The following ANO7 variants were observed in gnomAD, a reference collection of about 807,000 sequenced individuals.
ANO7 encodes the protein anoctamin-7.
Under a neutral mutation model 115.8 loss-of-function variants are expected in ANO7, and 114 were observed. The ratio of observed to expected loss-of-function variants is 0.98; its 90% confidence interval spans 0.85 to 1.15. The LOEUF (loss-of-function observed/expected upper bound fraction) is 1.15. Ranked by LOEUF, ANO7 falls within the 50% of genes most tolerant of loss-of-function variation. The pLI is 0.00. For synonymous variants in ANO7, 550 were observed against 498.2 expected, an observed-to-expected ratio of 1.10 and a Z score of -1.38; for missense variants, 1,302 against 1,201.2, an observed-to-expected ratio of 1.08 and a Z score of -1.24.
intron 15 of ANO7, among the ~76,000 whole-genome samples, chr2:241,211,843 C>G (rs2068726452): frequency 6.6e-6 from 1 of 152,224 alleles, no homozygotes. Flanking sequence ...CATCCCCTGA[C>G]CACTCACCCG....
At position 241,203,387 on chromosome 2, in the gene ANO7, C is replaced by G; in HGVS notation, c.778C>G (p.Gln260Glu). 6.2e-7 allele frequency: 1 copy of G among 1,602,846 alleles called. No homozygotes were observed. The highest frequency in any genetic ancestry group is 8.5e-7 in the Non-Finnish European group (1 of 1,175,536). Reference sequence around the variant, plus strand: ...GCAGGCTCCACGCCTCAACCAGCGCCAAGTCCTTTTCCAGCACTGGGCGCG... The same window carrying G: ...GCAGGCTCCACGCCTCAACCAGCGCGAAGTCCTTTTCCAGCACTGGGCGCG... ...GPQAPRLNQRQVLFQHWARWG... is the reference protein window; with the variant it reads ...GPQAPRLNQREVLFQHWARWG... The change falls in exon 9 of 25, where the codon CAA becomes GAA. Residue 260 changes from glutamine (Q) to glutamate (E), a missense_variant. Coordinates refer to ENST00000674324, the MANE Select transcript of ANO7 (RefSeq NM_001370694.2). The surrounding 1 kb of genome is among the most constrained non-coding windows in gnomAD (Gnocchi z 4.8).
intron 3 of ANO7, among the ~76,000 whole-genome samples, chr2:241,194,946 G>A (rs930888690): frequency 3.3e-5 from 5 of 152,182 alleles, no homozygotes; most frequent in Admixed American, 2.0e-4. Context: ...GATGACCAGC[G>A]TGTTCCAGCT....
chr2:241,229,819 A>C, downstream of ANO7: 5 of 1,507,462 alleles, frequency 3.3e-6, no homozygotes, highest in Non-Finnish European at 4.5e-6. Flanking sequence ...GGAGGGCAGA[A>C]GCCCGCATCT....
chr2:241,224,185 G>T lies in ANO7; in HGVS notation c.*32G>T, dbSNP rs1399715408. 1 of 1,612,882 alleles carries T rather than the reference G, an allele frequency of 6.2e-7. No homozygotes were observed. The highest frequency in any genetic ancestry group is 1.3e-5 in the African/African-American group (1 of 74,912). ...GAAGGACATCTGGTGGTCCTTAGGG[G>T]AGTGGCCCCTCCTGAGCCCTGCGAG... On this transcript the variant is annotated 3_prime_UTR_variant, in exon 25 of 25. Coordinates refer to ENST00000674324, the MANE Select transcript of ANO7 (RefSeq NM_001370694.2).
chr2:241,236,872 G>C, the ANO7 span: 1 of 1,235,744 alleles, frequency 8.1e-7, no homozygotes, highest in Non-Finnish European at 1.1e-6. Flanking sequence ...GTGCTGGGTG[G>C]TAAAAGGGAG....
At chr2:241,217,313 C>T (rs2149252961) in intron 19 of ANO7, among the ~76,000 whole-genome samples, 1 of 152,364 alleles carries the variant, frequency 6.6e-6, no homozygotes, top group South Asian at 2.1e-4. Context: ...GGCGAAGACC[C>T]AGAAGCCCCT....
chr2:241,229,450 A>T (rs2069452394), downstream of ANO7: 1 of 615,408 alleles, frequency 1.6e-6, no homozygotes, highest in Admixed American at 2.9e-5. Context: ...CCGCACACAC[A>T]GCCAGGCGCT....
intron 6 of ANO7, among the ~76,000 whole-genome samples, chr2:241,200,510 G>A (rs1044730666): frequency 6.6e-5 from 10 of 152,348 alleles, no homozygotes; most frequent in African/African-American, 1.4e-4. Flanking sequence ...GGGGCGGCGC[G>A]GTACCTGCTC....
At chr2:241,229,484 A>C, downstream of ANO7, 3 of 739,046 alleles carry the variant, frequency 4.1e-6, no homozygotes. Flanking sequence ...GACCTCGGGA[A>C]GGGGGAAGAG....
At position 241,219,470 on chromosome 2, in the gene ANO7, G is replaced by C. The variant is rs558810359; in HGVS notation, c.2321+1089G>C. 6.6e-5 allele frequency among the ~76,000 whole-genome samples: 10 copies of C among 151,594 alleles called. No homozygotes were observed. In the East Asian group the frequency reaches 1.9e-3, roughly 29 times the overall value. On this transcript the variant is annotated intron_variant, in intron 21 of 24. Coordinates refer to ENST00000674324, the MANE Select transcript of ANO7 (RefSeq NM_001370694.2). Reference sequence around the variant, plus strand: ...CTGGTGGATGGGTAAAAGTGTTCTGGTTGTTTTTTTTATTATTATTCTTTT... The same window carrying C: ...CTGGTGGATGGGTAAAAGTGTTCTGCTTGTTTTTTTTATTATTATTCTTTT...
chr2:241,218,387 C>T lies in ANO7; in HGVS notation c.2321+6C>T, dbSNP rs2068920839. On this transcript the variant is annotated splice_donor_region_variant and intron_variant, in intron 21 of 24. Transcript: ENST00000674324. ...GCGCACAACCGCACGTGCAGGTGAG[C>T]CCCGCGCCAGGTGGAGGGGGCCGCG... is the stretch of plus-strand genomic sequence containing the variant. 2 of 1,365,320 alleles carry T rather than the reference C, an allele frequency of 1.5e-6. No individual in the cohort carries two copies. Among genetic ancestry groups the T allele is most frequent in the African/African-American group, 1.5e-5 (1 of 66,620 alleles). The allele number at this position is 1,365,320 out of a possible 1,614,324, so 84.6% of individuals were successfully genotyped here. A position where few individuals can be genotyped will look rare whatever the true frequency, so the allele number is the denominator to read the frequency against.
the ANO7 span, chr2:241,240,117 G>T: frequency 6.2e-7 from 1 of 1,614,112 alleles, no homozygotes; most frequent in South Asian, 1.1e-5. The surrounding 1 kb of genome is among the most constrained non-coding windows in gnomAD (Gnocchi z 5.5). Context: ...TGAAACTCTT[G>T]GTTTGCTGCA....
chr2:241,198,483 G>C (rs1574763885), intron 4 of ANO7, among the ~76,000 whole-genome samples: 1 of 152,334 alleles, frequency 6.6e-6, no homozygotes, highest in Middle Eastern at 3.4e-3. Context: ...TTGAGGGCAG[G>C]GGGGACTACT....
At chr2:241,193,216 C>T (rs77068607) in intron 3 of ANO7, among the ~76,000 whole-genome samples, 7,744 of 151,958 alleles carry the variant, frequency 0.051, 772 homozygotes, top group East Asian at 0.46. Context: ...ACTACAGGTG[C>T]GCCCCACCAC....
chr2:241,200,124 C>A lies in ANO7; in HGVS notation c.453C>A (p.Gly151=), dbSNP rs577827580. 7 of 1,613,186 alleles carry A rather than the reference C, an allele frequency of 4.3e-6. No individual in the cohort carries two copies. The highest frequency in any genetic ancestry group is 3.3e-5 in the South Asian group (3 of 91,064). The change falls in exon 6 of 25, where the codon GGC becomes GGA. Residue 151 remains glycine, a synonymous_variant. Transcript: ENST00000674324. ...LPNQASNWSA[G]LLAWLGIPNV... ...ACCAGGCCTCCAACTGGTCGGCCGG[C>A]CTGCTGGCATGGCTGGGCATCCCCA...
chr2:241,240,176 T>A, the ANO7 span: 1 of 1,554,958 alleles, frequency 6.4e-7, no homozygotes, highest in Non-Finnish European at 8.9e-7. This position sits in a 1 kb window ranked among gnomAD's most constrained non-coding sequence, Gnocchi z 5.5. Flanking sequence ...TGGACCACAG[T>A]GAGGAAGACA....
At chr2:241,195,065 A>C (rs1484170025) in intron 3 of ANO7, among the ~76,000 whole-genome samples, 2 of 151,958 alleles carry the variant, frequency 1.3e-5, no homozygotes, top group Non-Finnish European at 2.9e-5. Context: ...GGCCTGGGGG[A>C]CTTTCTCACA....
At chr2:241,238,799 T>A in the ANO7 span, 1 of 1,470,436 alleles carries the variant, frequency 6.8e-7, no homozygotes, top group African/African-American at 1.4e-5. This position sits in a 1 kb window ranked among gnomAD's most constrained non-coding sequence, Gnocchi z 4.9. Flanking sequence ...TGGAGGGAGG[T>A]ACACAAAGAA....
At chr2:241,219,365 T>C (rs1172678556) in intron 21 of ANO7, among the ~76,000 whole-genome samples, 1 of 152,208 alleles carries the variant, frequency 6.6e-6, no homozygotes, top group African/African-American at 2.4e-5. Context: ...GTGTACGAAT[T>C]CATACTTGTG....
Sources: gnomAD v4.1 joint callset for allele counts (sites outside exome capture counted in the v4.1 genomes callset) on GRCh38, gnomAD v4.1.1 for gene constraint, Gnocchi (gnomAD v3.1) non-coding constraint, MANE v1.5 for transcripts, NCBI Gene and HGNC (gene_info 2026-07-23, HGNC 2026-07-21) for gene names.